CAMK1G: variants seen among roughly 807,000 people sequenced by gnomAD.
CAMK1G encodes calcium/calmodulin-dependent protein kinase type 1G.
Under a neutral mutation model 54.8 loss-of-function variants are expected in CAMK1G, and 27 were observed. The ratio of observed to expected loss-of-function variants is 0.49; its 90% CI spans 0.36 to 0.68. The LOEUF is 0.68. Among genes scored for constraint, CAMK1G ranks in the 30% least tolerant of loss-of-function variants. CAMK1G has a pLI of 0.00. For missense variants in CAMK1G, 512 were observed against 591.0 expected, an observed-to-expected ratio of 0.87 and a Z score of 1.39; for synonymous variants, 238 against 224.9, an observed-to-expected ratio of 1.06 and a Z score of -0.52.
At position 209,595,022 on chromosome 1, in the gene CAMK1G, G is replaced by T; in HGVS notation, c.39G>T (p.Lys13Asn). ...RKEEDDCSSWKKQTTNIRKTF... is the reference protein window; with the variant it reads ...RKEEDDCSSWNKQTTNIRKTF... ...AAGAAGATGACTGCAGTTCCTGGAAGAAACAGACCACCAACATCCGGAAAA... is the reference window on the plus strand; with the variant it reads ...AAGAAGATGACTGCAGTTCCTGGAATAAACAGACCACCAACATCCGGAAAA... The change falls in exon 2 of 13, where the codon AAG becomes AAT. Residue 13 changes from lysine (K) to asparagine (N), a missense_variant. Coordinates refer to ENST00000361322, the MANE Select transcript of CAMK1G (RefSeq NM_020439.3). 1 of 1,614,104 alleles carries T rather than the reference G, an allele frequency of 6.2e-7. No homozygotes were observed. Among genetic ancestry groups the T allele is most frequent in the Non-Finnish European group, 8.5e-7 (1 of 1,179,992 alleles).
intron 1 of CAMK1G, among the ~76,000 whole-genome samples, chr1:209,593,582 C>T (rs796882990): frequency 6.6e-6 from 1 of 152,200 alleles, no homozygotes; most frequent in African/African-American, 2.4e-5. Flanking sequence ...GGGCACCCCC[C>T]AACCAACCCC....
intron 3 of CAMK1G, among the ~76,000 whole-genome samples, chr1:209,602,232 G>A (rs751382231): frequency 2.0e-5 from 3 of 152,018 alleles, no homozygotes; most frequent in Non-Finnish European, 4.4e-5. Flanking sequence ...CAGCATTTCC[G>A]CCTCTACCCA....
At chr1:209,603,105 T>A in intron 3 of CAMK1G, 109 bp from the exon 4 acceptor site, 1 of 930,708 alleles carries the variant, frequency 1.1e-6, no homozygotes. Context: ...CTAGTCTTCC[T>A]AAACATTGCC....
intron 1 of CAMK1G, among the ~76,000 whole-genome samples, chr1:209,589,081 A>G (rs926422819): frequency 2.6e-5 from 4 of 152,212 alleles, no homozygotes; most frequent in African/African-American, 9.6e-5. Context: ...AAGATAGCCA[A>G]GGTCTTTGTC....
intron 4 of CAMK1G, among the ~76,000 whole-genome samples, chr1:209,604,620 G>T (rs948555648): frequency 1.3e-5 from 2 of 152,214 alleles, no homozygotes; most frequent in Non-Finnish European, 2.9e-5. Context: ...ACAGTGGTAA[G>T]GGGGACTAGG....
intron 1 of CAMK1G, among the ~76,000 whole-genome samples, chr1:209,591,100 T>C (rs1665236406): frequency 6.6e-6 from 1 of 151,960 alleles, no homozygotes; most frequent in African/African-American, 2.4e-5. Context: ...TCTTATATTC[T>C]ATCTTCCTCA....
At chr1:209,599,821 AT>A (rs1177220010) in intron 2 of CAMK1G, 161 bp from the exon 3 acceptor site, 4 of 423,846 alleles carry the variant, frequency 9.4e-6, no homozygotes, top group Non-Finnish European at 1.3e-5. Context: ...CCTTTTTTAA[AT>A]TTTGTGCTTT....
At chr1:209,587,804 G>A (rs1571769940) in intron 1 of CAMK1G, among the ~76,000 whole-genome samples, 1 of 151,670 alleles carries the variant, frequency 6.6e-6, no homozygotes, top group Non-Finnish European at 1.5e-5. Flanking sequence ...AAAATTGTGT[G>A]ACCCAGCAAG....
intron 1 of CAMK1G, among the ~76,000 whole-genome samples, chr1:209,593,727 T>C (rs1665312695): frequency 1.0e-5 from 1 of 97,894 alleles, no homozygotes; most frequent in African/African-American, 3.0e-5. Context: ...CACTCCCATC[T>C]GGCCCGAGCC....
At chr1:209,612,248 G>C in intron 11 of CAMK1G, 32 bp downstream of exon 11, 1 of 1,605,406 alleles carries the variant, frequency 6.2e-7, no homozygotes, top group East Asian at 2.2e-5. Flanking sequence ...TGGAGCCCCA[G>C]CTTGGGTCTG....
At chr1:209,589,518 C>G (rs962264442) in intron 1 of CAMK1G, among the ~76,000 whole-genome samples, 1 of 152,196 alleles carries the variant, frequency 6.6e-6, no homozygotes, top group Non-Finnish European at 1.5e-5. Context: ...AATACATCCA[C>G]CCACCTTCTA....
At chr1:209,584,480 T>G (rs1213188640) in intron 1 of CAMK1G, among the ~76,000 whole-genome samples, 1 of 152,190 alleles carries the variant, frequency 6.6e-6, no homozygotes, top group African/African-American at 2.4e-5. Context: ...ACCTCCCTTC[T>G]GTTTTTAAAC....
At position 209,608,691 on chromosome 1, in the gene CAMK1G, T is replaced by C. The variant is rs144703999; in HGVS notation, c.636-289T>C. ...CCAACTTTCTTAAACATATTTTATA[T>C]AGCATTCATAAGTCAGGGAAAGTAT... On this transcript the variant is annotated intron_variant, in intron 7 of 12. Transcript: ENST00000361322. Among the ~76,000 whole-genome samples the C allele has an allele frequency of 2.6e-5, 4 of 152,352 alleles. No homozygotes were observed. In the East Asian group the frequency reaches 7.7e-4, roughly 29 times the overall value.
chr1:209,606,008 A>C (rs973488814), intron 5 of CAMK1G, among the ~76,000 whole-genome samples: 17 of 152,180 alleles, frequency 1.1e-4, no homozygotes, highest in Admixed American at 4.6e-4. Context: ...GACTCTGGAG[A>C]GATCAGACAC....
Position 209,613,128 on chromosome 1 carries a change from G to C in CAMK1G, c.*126G>C, listed in dbSNP as rs1026681371. ...GAGCAAGTGGAGCAGGGCTTAGCAG[G>C]AGCAGTTTCTGGCCAGAAGCACCAG... On this transcript the variant is annotated 3_prime_UTR_variant, in exon 13 of 13. Coordinates refer to ENST00000361322, the MANE Select transcript of CAMK1G (RefSeq NM_020439.3). The C allele has an allele frequency of 4.1e-5, 16 of 388,882 alleles. No individual in the cohort carries two copies. Among genetic ancestry groups the C allele is most frequent in the African/African-American group, 3.2e-4 (16 of 49,508 alleles). 24.1% of individuals were successfully genotyped at this position (388,882 alleles called of 1,614,324 possible). A position where few individuals can be genotyped will look rare whatever the true frequency, so the allele number is the denominator to read the frequency against.
rs1234653318 is a variant in CAMK1G at position 209,609,055 on chromosome 1, G to A, written c.711G>A (p.Glu237=). The change falls in exon 8 of 13, where the codon GAG becomes GAA. Residue 237 remains glutamate, a synonymous_variant. Transcript: ENST00000361322. ...AGAAGATCAAGGAGGGCTACTATGA[G>A]TTTGAGTCTCCATTCTGGGATGACA... ...LFEKIKEGYY[E]FESPFWDDIS... 1.2e-6 allele frequency: 2 copies of A among 1,614,216 alleles called. No individual in the cohort carries two copies. The highest frequency in any genetic ancestry group is 1.1e-5 in the South Asian group (1 of 91,086).
At chr1:209,586,398 A>G (rs557199460) in intron 1 of CAMK1G, among the ~76,000 whole-genome samples, 1 of 152,244 alleles carries the variant, frequency 6.6e-6, no homozygotes, top group South Asian at 2.1e-4. Context: ...TACCAGATGA[A>G]GTAGTTGGCT....
rs188400622 is a variant in CAMK1G at position 209,598,191 on chromosome 1, T to G, written c.93-1792T>G. On this transcript the variant is annotated intron_variant, in intron 2 of 12. Transcript: ENST00000361322. ...CCAAGAGGCCTGTAATTTGGAATCC[T>G]GCCCTGTATTCCCATTGGTTCCACC... Among the ~76,000 whole-genome samples, 12 of 152,368 alleles carry G rather than the reference T, an allele frequency of 7.9e-5. No individual in the cohort carries two copies. The East Asian group carries it at 2.3e-3, about 29-fold the overall frequency.
At chr1:209,606,976 G>T (rs573812242) in intron 6 of CAMK1G, among the ~76,000 whole-genome samples, 1 of 152,266 alleles carries the variant, frequency 6.6e-6, no homozygotes, top group African/African-American at 2.4e-5. Context: ...CATCCCTGTA[G>T]GTTTCCAGGG....
Sources: allele counts gnomAD v4.1 joint callset (sites outside exome capture counted in the v4.1 genomes callset), GRCh38; gene constraint gnomAD v4.1.1; transcripts MANE v1.5; gene names NCBI Gene and HGNC (gene_info 2026-07-23, HGNC 2026-07-21).